The following KAT6A variants were observed in gnomAD, a reference collection of about 807,000 sequenced individuals.
KAT6A encodes the protein lysine acetyltransferase 6A.
A neutral mutation model predicts 198.4 loss-of-function variants in KAT6A; 9 were observed. The observed-to-expected ratio is 0.05, with a 90% confidence interval of 0.03 to 0.08. The LOEUF is 0.08. KAT6A is among the 10% of genes least tolerant of loss of function. KAT6A has a pLI of 1.00. For synonymous variants in KAT6A, 890 were observed against 883.0 expected, an observed-to-expected ratio of 1.01 and a Z score of -0.14; for missense variants, 2,077 against 2,509.9, an observed-to-expected ratio of 0.83 and a Z score of 3.69.
rs138399992 is a variant in KAT6A at position 42,048,642 on chromosome 8, C to G, written c.336G>C (p.Glu112Asp). 1,018 of 1,614,098 alleles carry G rather than the reference C, an allele frequency of 6.3e-4. 8 individuals are homozygous for G. Among genetic ancestry groups the G allele is most frequent in the Non-Finnish European group, 2.4e-4 (284 of 1,180,052 alleles). Residue 112 changes from glutamate (E) to aspartate (D), a missense_variant, in exon 2 of 17, where the codon GAG becomes GAC. Physicochemically the swap from Glu to Asp is conservative, Grantham distance 45. This residue lies in a region of KAT6A where 185 missense variants were observed against 185.7 expected (regional missense o/e 1.00). Coordinates refer to ENST00000265713, the MANE Select transcript of KAT6A (RefSeq NM_006766.5). ...TGCTTTTCAAAGTTGAGCCACCAGA[C>G]TCTGCCAAGCCCTCAACTGCCCGCT... Reference protein sequence around the residue: ...LIKRAVEGLAESGGSTLKSIE... With the variant: ...LIKRAVEGLADSGGSTLKSIE...
intron 16 of KAT6A, among the ~76,000 whole-genome samples, chr8:41,935,373 T>C (rs1190464498): frequency 6.6e-6 from 1 of 152,216 alleles, no homozygotes; most frequent in East Asian, 1.9e-4. Flanking sequence ...ATGAGCCAAT[T>C]ACTCTAGGCC....
At chr8:42,019,675 T>C (rs1432874566) in intron 2 of KAT6A, among the ~76,000 whole-genome samples, 1 of 152,218 alleles carries the variant, frequency 6.6e-6, no homozygotes, top group Non-Finnish European at 1.5e-5. Flanking sequence ...TGGTAACTGA[T>C]TGAGTATCCA....
rs1419409806 is a variant in KAT6A, at chr8:42,051,699, G to A, written c.-326+202C>T. ...CCGGGCGCCGAACAAGCGAGCAAGC[G>A]AGCGAGCGAGCGGGCGGGCGCGAGG... On this transcript the variant is annotated intron_variant, in intron 1 of 16. Transcript: ENST00000265713. Among the ~76,000 whole-genome samples, 5 of 145,456 alleles carry A rather than the reference G, an allele frequency of 3.4e-5. 1 individual carries two copies. The highest frequency in any genetic ancestry group is 2.0e-4 in the Admixed American group (3 of 14,690).
chr8:41,948,901 A>ACAT lies in KAT6A; in HGVS notation c.1740+318_1740+320dup, dbSNP rs34721456. Among the ~76,000 whole-genome samples the ACAT allele has an allele frequency of 0.28, 42,673 of 151,070 alleles. 7,216 individuals are homozygous for ACAT. Among genetic ancestry groups the ACAT allele is most frequent in the African/African-American group, 0.46 (18,823 of 40,978 alleles). The stretch of plus-strand genomic sequence containing the variant: ...TAGAGAATCACAGAGCAGAGGTCAC[A>ACAT]CATCATCATCATCATCATCATCATC... On this transcript the variant is annotated intron_variant, in intron 10 of 16. Transcript: ENST00000265713.
chr8:41,930,369 T>TG lies in KAT6A; in HGVS notation c.*1835dup, dbSNP rs992434878. 1 of 219,984 alleles carries TG rather than the reference T, an allele frequency of 4.5e-6. No individual in the cohort carries two copies. The highest frequency in any genetic ancestry group is 2.3e-5 in the African/African-American group (1 of 44,150). The allele number at this position is 219,984 out of a possible 1,614,324, so 13.6% of individuals were successfully genotyped here. A position where few individuals can be genotyped will look rare whatever the true frequency, so the allele number is the denominator to read the frequency against. On this transcript the variant is annotated 3_prime_UTR_variant, in exon 17 of 17. Transcript: ENST00000265713. ...ACTGGAATAGTATATACAGAGAAAC[T>TG]GGGTCCTACACAGCCTTGCACATGC...
Position 41,936,683 on chromosome 8 carries a change from T to C in KAT6A, c.3352+573A>G, listed in dbSNP as rs563701047. ...ATACTATAAAATTTATTTTGAGTTA[T>C]TGTTACCATTTGTGAGAAATTTACT... is the stretch of plus-strand genomic sequence containing the variant. On this transcript the variant is annotated intron_variant, in intron 16 of 16. Coordinates refer to ENST00000265713, the MANE Select transcript of KAT6A (RefSeq NM_006766.5). Among the ~76,000 whole-genome samples the C allele has an allele frequency of 1.1e-4, 17 of 152,380 alleles. No individual in the cohort carries two copies. In the South Asian group the frequency reaches 1.4e-3, roughly 13 times the overall value.
At chr8:41,970,064 G>A (rs569522754) in intron 8 of KAT6A, among the ~76,000 whole-genome samples, 2 of 152,144 alleles carry the variant, frequency 1.3e-5, no homozygotes, top group East Asian at 1.9e-4. Context: ...CCGACTATCA[G>A]TTTGTAAGTA....
chr8:42,009,500 G>A (rs1486006232), intron 2 of KAT6A, among the ~76,000 whole-genome samples: 2 of 151,700 alleles, frequency 1.3e-5, no homozygotes, highest in East Asian at 1.9e-4. Context: ...TGGAAAAGGT[G>A]ACATGTGACC....
chr8:41,960,707 T>C (rs567914069), intron 8 of KAT6A, among the ~76,000 whole-genome samples: 1 of 152,232 alleles, frequency 6.6e-6, no homozygotes, highest in African/African-American at 2.4e-5. Context: ...TCTTTTACCA[T>C]TAAATATTGA....
At position 42,046,431 on chromosome 8, in the gene KAT6A, G is replaced by A. The variant is rs754617518; in HGVS notation, c.600+1947C>T. Among the ~76,000 whole-genome samples, 7 of 152,156 alleles carry A rather than the reference G, an allele frequency of 4.6e-5. 1 individual carries two copies. The highest frequency in any genetic ancestry group is 6.5e-5 in the Admixed American group (1 of 15,272). On this transcript the variant is annotated intron_variant, in intron 2 of 16. Transcript: ENST00000265713. ...CATGTCTGTAATCCCAGCTACTTGG[G>A]AGGCTGAGGCAAGAGAATCGCTTGA...
intron 8 of KAT6A, chr8:41,957,111 G>A (rs536800529): frequency 4.3e-5 from 26 of 604,710 alleles, no homozygotes; most frequent in Non-Finnish European, 5.6e-5. Flanking sequence ...TCTTCTAGGC[G>A]GATGCCCGAT....
At chr8:41,953,414 T>G (rs1822762296) in intron 9 of KAT6A, among the ~76,000 whole-genome samples, 2 of 152,218 alleles carry the variant, frequency 1.3e-5, no homozygotes, top group Non-Finnish European at 2.9e-5. Context: ...AGAGCTCACT[T>G]AAAAAATGAT....
At chr8:41,949,441 T>C in intron 9 of KAT6A, 78 bp from the exon 10 acceptor site, 1 of 1,136,034 alleles carries the variant, frequency 8.8e-7, no homozygotes, top group East Asian at 2.9e-5. Context: ...ATCATCTTTT[T>C]GCCTCTCATT....
intron 2 of KAT6A, among the ~76,000 whole-genome samples, chr8:41,992,509 T>C (rs1824996226): frequency 6.6e-6 from 1 of 152,208 alleles, no homozygotes; most frequent in African/African-American, 2.4e-5. Context: ...CTCTTCTTCC[T>C]GGGCCTCTCT....
intron 8 of KAT6A, among the ~76,000 whole-genome samples, chr8:41,973,506 C>T (rs1038575248): frequency 6.6e-6 from 1 of 152,122 alleles, no homozygotes; most frequent in African/African-American, 2.4e-5. Flanking sequence ...AGGGGTGAGC[C>T]ACCGTGCCCA....
chr8:41,981,237 G>GA (rs1445505561), intron 4 of KAT6A, among the ~76,000 whole-genome samples: 3 of 152,194 alleles, frequency 2.0e-5, no homozygotes, highest in Non-Finnish European at 2.9e-5. Flanking sequence ...AGAACTGCTT[G>GA]AACCAGAGAG....
chr8:41,988,503 G>A (rs1824741549), intron 2 of KAT6A, among the ~76,000 whole-genome samples: 1 of 152,074 alleles, frequency 6.6e-6, no homozygotes, highest in African/African-American at 2.4e-5. Flanking sequence ...ATAATCACTT[G>A]GAGAAAAATA....
chr8:41,954,589 C>T (rs1185729434), intron 9 of KAT6A, among the ~76,000 whole-genome samples: 5 of 152,162 alleles, frequency 3.3e-5, no homozygotes, highest in Admixed American at 3.3e-4. Flanking sequence ...TAATAACTGA[C>T]ATTATTGAGC....
At chr8:41,956,175 T>C (rs1055612532) in intron 8 of KAT6A, among the ~76,000 whole-genome samples, 1 of 152,150 alleles carries the variant, frequency 6.6e-6, no homozygotes, top group Non-Finnish European at 1.5e-5. Context: ...CAAACATAAG[T>C]ACGTAGCTCA....
Sources: gnomAD v4.1 joint callset for allele counts (sites outside exome capture counted in the v4.1 genomes callset) on GRCh38, gnomAD v4.1.1 for gene constraint, gnomAD v4.1.1 regional missense constraint, MANE v1.5 for transcripts, NCBI Gene and HGNC (gene_info 2026-07-23, HGNC 2026-07-21) for gene names.